Variants in PHF20 observed in about 807,000 individuals in gnomAD.
The protein encoded by PHF20 is PHD finger protein 20.
PHF20 carries 23 observed loss-of-function variants against 113.5 expected under a neutral mutation model. The observed-to-expected ratio is 0.20, with a 90% CI of 0.15 to 0.29. The LOEUF is 0.29. PHF20 is among the 10% of genes least tolerant of loss of function. The pLI is 1.00. For missense variants in PHF20, 943 were observed against 1,219.6 expected, an observed-to-expected ratio of 0.77 and a Z score of 3.38; for synonymous variants, 434 against 457.3, an observed-to-expected ratio of 0.95 and a Z score of 0.65.
chr20:35,818,525 G>T (rs1213780707), intron 2 of PHF20, among the ~76,000 whole-genome samples: 1 of 152,132 alleles, frequency 6.6e-6, no homozygotes, highest in African/African-American at 2.4e-5. Flanking sequence ...CTCCCAAAGT[G>T]CTGGGATTAC....
chr20:35,784,179 G>A (rs1373378318), intron 1 of PHF20, among the ~76,000 whole-genome samples: 4 of 149,918 alleles, frequency 2.7e-5, no homozygotes, highest in African/African-American at 7.4e-5. Context: ...TTAACCTCCC[G>A]ACTAGCTGTG....
chr20:35,857,864 G>A (rs2042867153), intron 4 of PHF20, among the ~76,000 whole-genome samples: 2 of 152,122 alleles, frequency 1.3e-5, no homozygotes, highest in Admixed American at 6.5e-5. Context: ...GATTACAGGC[G>A]TGAGCCATGA....
At chr20:35,799,066 T>C (rs2041725665) in intron 1 of PHF20, among the ~76,000 whole-genome samples, 1 of 152,102 alleles carries the variant, frequency 6.6e-6, no homozygotes, top group Non-Finnish European at 1.5e-5. Context: ...TTTTTTTCCA[T>C]ACTCATTTAT....
At chr20:35,909,441 G>A (rs781483442) in intron 10 of PHF20, among the ~76,000 whole-genome samples, 11 of 152,044 alleles carry the variant, frequency 7.2e-5, no homozygotes, top group Admixed American at 3.3e-4. Flanking sequence ...CTAATAATAC[G>A]GTGGTAGTCA....
intron 9 of PHF20, among the ~76,000 whole-genome samples, chr20:35,898,848 C>A (rs1413085475): frequency 6.6e-6 from 1 of 152,056 alleles, no homozygotes; most frequent in Non-Finnish European, 1.5e-5. Flanking sequence ...TGACCTCAGG[C>A]GATCTGCCTC....
At chr20:35,803,720 C>T (rs1396037263) in intron 2 of PHF20, among the ~76,000 whole-genome samples, 1 of 147,280 alleles carries the variant, frequency 6.8e-6, no homozygotes, top group African/African-American at 2.5e-5. Flanking sequence ...ATATAATATA[C>T]TGCGTGTGTG....
At chr20:35,792,348 C>T (rs1046117299) in intron 1 of PHF20, among the ~76,000 whole-genome samples, 5 of 151,886 alleles carry the variant, frequency 3.3e-5, no homozygotes, top group East Asian at 1.9e-4. Flanking sequence ...CCACCACGCC[C>T]GGCTAATTTT....
At chr20:35,879,665 G>T (rs1405161379) in intron 9 of PHF20, among the ~76,000 whole-genome samples, 5 of 151,274 alleles carry the variant, frequency 3.3e-5, no homozygotes, top group African/African-American at 1.2e-4. Context: ...ACATTCCATG[G>T]TGGTTACATG....
At chr20:35,917,720 AT>A in intron 13 of PHF20, 58 bp downstream of exon 13, 1 of 1,460,868 alleles carries the variant, frequency 6.8e-7, no homozygotes, top group Non-Finnish European at 9.4e-7. Context: ...CTTGGAGGGA[AT>A]TTTGAGGCCA....
chr20:35,835,644 A>G (rs1393225229), intron 2 of PHF20, among the ~76,000 whole-genome samples: 1 of 151,572 alleles, frequency 6.6e-6, no homozygotes, highest in Non-Finnish European at 1.5e-5. Flanking sequence ...TACAGAATAA[A>G]AGAGTCCGGG....
intron 9 of PHF20, among the ~76,000 whole-genome samples, chr20:35,880,981 T>A (rs114579287): frequency 0.034 from 5,115 of 150,844 alleles, 315 homozygotes; most frequent in African/African-American, 0.12. Flanking sequence ...AAATTAAAAA[T>A]TTTTTTTTAG....
chr20:35,946,684 T>C (rs1210374755), intron 17 of PHF20, among the ~76,000 whole-genome samples: 1 of 98,844 alleles, frequency 1.0e-5, no homozygotes, highest in Non-Finnish European at 2.0e-5. Flanking sequence ...TTATTTTATT[T>C]ATTTTATTTT....
chr20:35,817,388 G>A (rs6121057), intron 2 of PHF20, among the ~76,000 whole-genome samples: 2 of 151,430 alleles, frequency 1.3e-5, no homozygotes, highest in African/African-American at 4.8e-5. Flanking sequence ...GGTTTCACTA[G>A]GTTGGCCAGG....
chr20:35,783,747 C>T (rs1211633650), intron 1 of PHF20, among the ~76,000 whole-genome samples: 1 of 151,620 alleles, frequency 6.6e-6, no homozygotes, highest in East Asian at 1.9e-4. Flanking sequence ...TTTGGGAGGC[C>T]GAGGTGGGCG....
intron 5 of PHF20, 49 bp downstream of exon 5, chr20:35,858,430 T>A: frequency 3.0e-6 from 3 of 985,948 alleles, no homozygotes; most frequent in Non-Finnish European, 4.8e-6. Context: ...GCTAACATTG[T>A]AGTTTTGTTT....
chr20:35,803,010 T>TGAGGTGGGCGGAGG (rs2041810972), intron 2 of PHF20, among the ~76,000 whole-genome samples: 1 of 150,130 alleles, frequency 6.7e-6, no homozygotes, highest in Non-Finnish European at 1.5e-5. Flanking sequence ...TCCCAGCACT[T>TGAGGTGGGCGGAGG]TGGGAGGCTG....
At chr20:35,915,675 G>A (rs912585295) in intron 12 of PHF20, among the ~76,000 whole-genome samples, 2 of 152,016 alleles carry the variant, frequency 1.3e-5, no homozygotes, top group Admixed American at 1.3e-4. Flanking sequence ...ATGAGCCACC[G>A]TGCCTGGACT....
intron 2 of PHF20, among the ~76,000 whole-genome samples, chr20:35,817,703 A>G (rs1012363876): frequency 3.3e-5 from 5 of 152,074 alleles, no homozygotes; most frequent in Non-Finnish European, 7.4e-5. Context: ...GAGACAGGCT[A>G]GAGAATCCTT....
At chr20:35,887,145 T>A (rs1245218750) in intron 9 of PHF20, among the ~76,000 whole-genome samples, 1 of 152,198 alleles carries the variant, frequency 6.6e-6, no homozygotes, top group Non-Finnish European at 1.5e-5. Flanking sequence ...AAACTTTTTT[T>A]AAAGTATAAA....
Sources: allele counts gnomAD v4.1 joint callset (sites outside exome capture counted in the v4.1 genomes callset), GRCh38; gene constraint gnomAD v4.1.1; transcripts MANE v1.5; gene names NCBI Gene and HGNC (gene_info 2026-07-23, HGNC 2026-07-21).